The following MEF2C variants were observed in gnomAD, a reference collection of about 807,000 sequenced individuals.
The protein encoded by MEF2C is myocyte-specific enhancer factor 2C.
A neutral mutation model predicts 50.5 loss-of-function variants in MEF2C; 6 were observed. The ratio of observed to expected loss-of-function variants is 0.12; its 90% CI spans 0.07 to 0.23. MEF2C has a LOEUF of 0.23. Among genes scored for constraint, MEF2C ranks in the 10% least tolerant of loss-of-function variants. The pLI is 1.00. For missense variants in MEF2C, 276 were observed against 605.0 expected (o/e 0.46, Z 5.70); for synonymous variants, 183 against 228.0 (o/e 0.80, Z 1.78).
chr5:88,792,242 A>C (rs1794111254), intron 3 of MEF2C, among the ~76,000 whole-genome samples: 1 of 152,176 alleles, frequency 6.6e-6, no homozygotes, highest in African/African-American at 2.4e-5. Flanking sequence ...CAAGTTAAAA[A>C]AAAATACAGT....
intron 1 of MEF2C, among the ~76,000 whole-genome samples, chr5:88,846,317 C>A (rs565323403): frequency 6.6e-6 from 1 of 152,168 alleles, no homozygotes; most frequent in Non-Finnish European, 1.5e-5. Context: ...ATCCACCCAC[C>A]TCTGCCTCCC....
chr5:88,855,589 G>A (rs574649142), intron 1 of MEF2C, among the ~76,000 whole-genome samples: 7 of 152,250 alleles, frequency 4.6e-5, no homozygotes, highest in South Asian at 4.1e-4. Context: ...ACGTGTCATG[G>A]GAGGGACCAG....
chr5:88,861,073 A>G (rs1324501531), intron 1 of MEF2C, among the ~76,000 whole-genome samples: 1 of 152,160 alleles, frequency 6.6e-6, no homozygotes, highest in Non-Finnish European at 1.5e-5. Context: ...TCTATAGAAA[A>G]TTTTCCTGTC....
chr5:88,743,320 A>G (rs997078641), intron 6 of MEF2C: 1 of 985,334 alleles, frequency 1.0e-6, no homozygotes, highest in Non-Finnish European at 1.2e-6. Context: ...CTTCACTGAT[A>G]TTTTAAGTCA....
intron 1 of MEF2C, among the ~76,000 whole-genome samples, chr5:88,862,145 CTG>C (rs774872499): frequency 4.6e-5 from 7 of 152,216 alleles, no homozygotes; most frequent in Non-Finnish European, 1.0e-4. Context: ...CATTATATAA[CTG>C]AGATCATTAT....
intron 6 of MEF2C, among the ~76,000 whole-genome samples, chr5:88,747,439 C>G (rs1415911849): frequency 3.0e-5 from 1 of 33,638 alleles, no homozygotes; most frequent in African/African-American, 6.5e-5. Flanking sequence ...AGCTCTGCCT[C>G]CCGGGTTCAC....
chr5:88,898,878 A>T (rs1561500485), intron 1 of MEF2C, among the ~76,000 whole-genome samples: 1 of 152,106 alleles, frequency 6.6e-6, no homozygotes, highest in South Asian at 2.1e-4. Flanking sequence ...TACATAACCT[A>T]AATACCTATA....
At chr5:88,850,747 T>C (rs908882160) in intron 1 of MEF2C, among the ~76,000 whole-genome samples, 4 of 151,788 alleles carry the variant, frequency 2.6e-5, no homozygotes, top group African/African-American at 9.7e-5. Flanking sequence ...CACATACATA[T>C]AATTATTTAA....
intron 3 of MEF2C, among the ~76,000 whole-genome samples, chr5:88,779,931 G>C (rs1020911395): frequency 6.6e-6 from 1 of 151,986 alleles, no homozygotes; most frequent in Non-Finnish European, 1.5e-5. Context: ...GGTCACTTGA[G>C]GTCAGGAGTT....
intron 6 of MEF2C, chr5:88,734,058 A>G (rs1762804857): frequency 1.0e-6 from 1 of 985,094 alleles, no homozygotes; most frequent in Non-Finnish European, 1.2e-6. Context: ...GAGTATGTTC[A>G]CTTAAAAAAA....
intron 3 of MEF2C, among the ~76,000 whole-genome samples, chr5:88,783,905 T>G (rs1789499088): frequency 6.6e-6 from 1 of 152,188 alleles, no homozygotes; most frequent in African/African-American, 2.4e-5. Flanking sequence ...GTTCTGTATA[T>G]CCTAAGAATT....
chr5:88,867,238 G>A (rs1359322495), intron 1 of MEF2C, among the ~76,000 whole-genome samples: 1 of 152,002 alleles, frequency 6.6e-6, no homozygotes, highest in Non-Finnish European at 1.5e-5. Context: ...TCATTCCAAG[G>A]TTACTAAATA....
intron 1 of MEF2C, among the ~76,000 whole-genome samples, chr5:88,878,642 C>CAT (rs1561461624): frequency 6.6e-6 from 1 of 152,004 alleles, no homozygotes; most frequent in African/African-American, 2.4e-5. Context: ...AAATATACTC[C>CAT]ATATTTATAG....
At chr5:88,799,442 CAAGTA>C (rs1476763363) in intron 3 of MEF2C, among the ~76,000 whole-genome samples, 5 of 152,268 alleles carry the variant, frequency 3.3e-5, no homozygotes, top group African/African-American at 1.2e-4. Flanking sequence ...AATGAATGGT[CAAGTA>C]AAGTAGACAT....
intron 1 of MEF2C, among the ~76,000 whole-genome samples, chr5:88,849,718 T>C (rs2153377591): frequency 6.6e-6 from 1 of 152,318 alleles, no homozygotes. Flanking sequence ...TCTAGATCCA[T>C]TTTTAATTTA....
intron 3 of MEF2C, among the ~76,000 whole-genome samples, chr5:88,787,850 T>G (rs1467068933): frequency 6.6e-6 from 1 of 152,234 alleles, no homozygotes; most frequent in African/African-American, 2.4e-5. Context: ...TCTACGTTCT[T>G]ACTACTCATT....
intron 2 of MEF2C, among the ~76,000 whole-genome samples, chr5:88,807,613 G>A (rs1484269865): frequency 6.6e-6 from 1 of 152,190 alleles, no homozygotes; most frequent in Non-Finnish European, 1.5e-5. Flanking sequence ...AGGCTGTTGT[G>A]AGGATTGTAT....
chr5:88,878,186 A>G (rs1384516627), intron 1 of MEF2C, among the ~76,000 whole-genome samples: 1 of 152,044 alleles, frequency 6.6e-6, no homozygotes. Context: ...TACAGAATGA[A>G]GTTCAATCTA....
intron 1 of MEF2C, among the ~76,000 whole-genome samples, chr5:88,841,679 G>A (rs1817439676): frequency 6.6e-6 from 1 of 152,164 alleles, no homozygotes; most frequent in Non-Finnish European, 1.5e-5. Context: ...CTACAAGCAT[G>A]TGTTCATTTC....
Sources: gnomAD v4.1 joint callset for allele counts (sites outside exome capture counted in the v4.1 genomes callset) on GRCh38, gnomAD v4.1.1 for gene constraint, MANE v1.5 for transcripts, NCBI Gene and HGNC (gene_info 2026-07-23, HGNC 2026-07-21) for gene names.